SNX29: variants seen among roughly 807,000 people sequenced by gnomAD.
SNX29 encodes the protein sorting nexin 29.
Under a neutral mutation model 102.1 loss-of-function variants are expected in SNX29, and 78 were observed. The observed-to-expected ratio is 0.76, with a 90% CI of 0.64 to 0.92. The LOEUF (loss-of-function observed/expected upper bound fraction) is 0.92. SNX29 is among the 40% of genes least tolerant of loss of function. The pLI, the probability that SNX29 is intolerant of heterozygous loss-of-function variation, is 0.00. For missense variants in SNX29, 1,280 were observed against 1,061.7 expected (o/e 1.21, Z -2.86); for synonymous variants, 580 against 414.5 (o/e 1.40, Z -4.85).
At chr16:12,539,250 G>A (rs1030287828) in intron 20 of SNX29, among the ~76,000 whole-genome samples, 1 of 152,134 alleles carries the variant, frequency 6.6e-6, no homozygotes, top group African/African-American at 2.4e-5. Context: ...CTAAAAAGCT[G>A]TTTTCCCCTC....
chr16:12,099,909 A>G (rs974538247), intron 11 of SNX29, among the ~76,000 whole-genome samples: 1 of 152,120 alleles, frequency 6.6e-6, no homozygotes, highest in Admixed American at 6.6e-5. Context: ...AGGCATGATG[A>G]ACCCGGGATG....
At chr16:12,346,290 C>A (rs1024988723) in intron 15 of SNX29, among the ~76,000 whole-genome samples, 2 of 152,130 alleles carry the variant, frequency 1.3e-5, no homozygotes, top group East Asian at 3.8e-4. Context: ...CTGGACACTT[C>A]TGCTGGTGCC....
chr16:12,442,722 C>T (rs1267485068), intron 18 of SNX29, among the ~76,000 whole-genome samples: 2 of 151,942 alleles, frequency 1.3e-5, no homozygotes, highest in African/African-American at 4.8e-5. Context: ...TCTCGAGTAG[C>T]TGGGACTATA....
In SNX29 at chr16:12,545,727, C is replaced by G. The variant is rs539393375; in HGVS notation, c.2318+20886C>G. Reference sequence around the variant, plus strand: ...GGTGGGTGGCCAGAGACGAGGTCACCATGAAGCCTTCAGATTTTAACCTGA... The same window carrying G: ...GGTGGGTGGCCAGAGACGAGGTCACGATGAAGCCTTCAGATTTTAACCTGA... On this transcript the variant is annotated intron_variant, in intron 20 of 20. Transcript: ENST00000566228. 3.5e-4 allele frequency: 54 copies of G among 152,404 alleles called. 1 individual carries two copies. The highest frequency in any genetic ancestry group is 3.1e-3 in the Admixed American group (48 of 15,294). 9.4% of individuals were successfully genotyped at this position (152,404 alleles called of 1,614,324 possible).
At chr16:12,305,301 C>T (rs114213896) in intron 15 of SNX29, among the ~76,000 whole-genome samples, 221 of 152,324 alleles carry the variant, frequency 1.5e-3, no homozygotes, top group African/African-American at 5.1e-3. Flanking sequence ...TCAGGTGTTG[C>T]GAAGATCCCC....
chr16:12,307,776 A>G (rs1274242716), intron 15 of SNX29, among the ~76,000 whole-genome samples: 1 of 152,222 alleles, frequency 6.6e-6, no homozygotes, highest in Admixed American at 6.5e-5. Flanking sequence ...GTAGGCACCA[A>G]TGTAGCCATC....
rs2079245704 is a variant in SNX29, at chr16:12,574,219, A to T, written c.*5590A>T. Reference sequence around the variant, plus strand: ...GAATAAGCTGTGGAAATTTTGTTACAACCTGGTTGAGATCAACCTCTTTAC... The same window carrying T: ...GAATAAGCTGTGGAAATTTTGTTACTACCTGGTTGAGATCAACCTCTTTAC... On this transcript the variant is annotated 3_prime_UTR_variant, in exon 21 of 21. Transcript: ENST00000566228. The T allele has an allele frequency of 5.6e-6, 1 of 177,598 alleles. No individual in the cohort carries two copies. The highest frequency in any genetic ancestry group is 2.4e-5 in the African/African-American group (1 of 42,260). 11.0% of individuals were successfully genotyped at this position (177,598 alleles called of 1,614,324 possible). A position where few individuals can be genotyped will look rare whatever the true frequency, so the allele number is the denominator to read the frequency against.
At chr16:12,081,497 TC>T (rs1180174836) in intron 11 of SNX29, 1 of 151,970 alleles carries the variant, frequency 6.6e-6, no homozygotes, top group African/African-American at 2.4e-5. Flanking sequence ...CTGCTTGACT[TC>T]AGTTGAGGAC....
chr16:12,537,639 A>G (rs1007302770), intron 20 of SNX29, among the ~76,000 whole-genome samples: 1 of 147,264 alleles, frequency 6.8e-6, no homozygotes, highest in South Asian at 2.2e-4. Flanking sequence ...CAGCTTAGAT[A>G]TTATTACAGT....
chr16:12,008,411 AG>A (rs1336373354), intron 3 of SNX29, among the ~76,000 whole-genome samples: 1 of 151,996 alleles, frequency 6.6e-6, no homozygotes, highest in Non-Finnish European at 1.5e-5. Context: ...CTGGGATTAC[AG>A]GTGTGTACCA....
chr16:12,363,221 T>A lies in SNX29; in HGVS notation c.1899+6942T>A, dbSNP rs1026984689. Among the ~76,000 whole-genome samples the A allele has an allele frequency of 3.9e-5, 6 of 152,220 alleles. No individual in the cohort carries two copies. In the East Asian group the frequency reaches 9.6e-4, roughly 24 times the overall value. ...TGCCTCAGGCCTGCTTTGGTCGTCA[T>A]CTCAGAGTCAGACAGCCAGGGCAGA... On this transcript the variant is annotated intron_variant, in intron 16 of 20. Coordinates refer to ENST00000566228, the MANE Select transcript of SNX29 (RefSeq NM_032167.5).
Position 12,568,865 on chromosome 16 carries a change from C to A in SNX29, c.*236C>A. The A allele has an allele frequency of 3.3e-6, 2 of 611,006 alleles. No homozygotes were observed. The highest frequency in any genetic ancestry group is 2.1e-5 in the South Asian group (1 of 46,664). 37.8% of individuals were successfully genotyped at this position (611,006 alleles called of 1,614,324 possible). ...CGCTGGAGAGACTGGGACACACAGT[C>A]CTTCTGCTTCTGGGGTCTACCCTGG... is the stretch of plus-strand genomic sequence containing the variant. On this transcript the variant is annotated 3_prime_UTR_variant, in exon 21 of 21. Transcript: ENST00000566228.
Position 12,537,292 on chromosome 16 carries a change from T to C in SNX29, c.2318+12451T>C, listed in dbSNP as rs962036819. On this transcript the variant is annotated intron_variant, in intron 20 of 20. Coordinates refer to ENST00000566228, the MANE Select transcript of SNX29 (RefSeq NM_032167.5). ...TCAGGAAACTGGTTAGTGTGGTACA[T>C]GTTTGGATTTTAGTATAGTGGCTAA... is the stretch of plus-strand genomic sequence containing the variant. 2.6e-5 allele frequency among the ~76,000 whole-genome samples: 4 copies of C among 152,264 alleles called. No individual in the cohort carries two copies. In the South Asian group the frequency reaches 6.2e-4, roughly 24 times the overall value.
At chr16:12,565,543 A>G (rs779999614) in intron 20 of SNX29, among the ~76,000 whole-genome samples, 1 of 152,002 alleles carries the variant, frequency 6.6e-6, no homozygotes, top group Non-Finnish European at 1.5e-5. Context: ...CGAGGATTGA[A>G]CCATCCCTGT....
chr16:12,125,960 A>C (rs1235389177), intron 11 of SNX29, among the ~76,000 whole-genome samples: 1 of 152,136 alleles, frequency 6.6e-6, no homozygotes, highest in Admixed American at 6.5e-5. Flanking sequence ...TCCAAATGCC[A>C]CATCGCTGTC....
intron 3 of SNX29, among the ~76,000 whole-genome samples, chr16:12,004,394 G>A (rs985886483): frequency 5.3e-5 from 8 of 152,022 alleles, no homozygotes; most frequent in African/African-American, 1.7e-4. Flanking sequence ...ACCCAGGAAA[G>A]GCTGACATCA....
chr16:12,535,074 A>G (rs951466189), intron 20 of SNX29, among the ~76,000 whole-genome samples: 5 of 152,230 alleles, frequency 3.3e-5, no homozygotes, highest in Non-Finnish European at 7.3e-5. Context: ...CACAGTCAAG[A>G]AAAAGAGAGA....
chr16:12,488,547 G>C (rs958990395), intron 19 of SNX29, among the ~76,000 whole-genome samples: 2 of 152,086 alleles, frequency 1.3e-5, no homozygotes, highest in African/African-American at 4.8e-5. Flanking sequence ...GTACAGAGTC[G>C]AACCTGTTTG....
chr16:12,296,070 T>C (rs2079970388), intron 15 of SNX29, among the ~76,000 whole-genome samples: 2 of 152,248 alleles, frequency 1.3e-5, no homozygotes, highest in South Asian at 4.1e-4. Flanking sequence ...ACATATTATC[T>C]TTTTGTCTTC....
Sources: allele counts gnomAD v4.1 joint callset (sites outside exome capture counted in the v4.1 genomes callset), GRCh38; gene constraint gnomAD v4.1.1; transcripts MANE v1.5; gene names NCBI Gene and HGNC (gene_info 2026-07-23, HGNC 2026-07-21).